Variants in SLC14A2 observed in about 807,000 individuals in gnomAD.
SLC14A2 encodes the protein urea transporter 2.
SLC14A2 carries 91 observed loss-of-function variants against 104.6 expected under a neutral mutation model. The observed-to-expected ratio is 0.87, with a 90% CI of 0.73 to 1.04. SLC14A2 has a LOEUF of 1.04. SLC14A2 is among the 50% of genes least tolerant of loss of function. The pLI, the probability that SLC14A2 is intolerant of heterozygous loss-of-function variation, is 0.00. For synonymous variants in SLC14A2, 476 were observed against 466.4 expected (o/e 1.02, Z -0.27); for missense variants, 1,189 against 1,156.0 (o/e 1.03, Z -0.41).
intron 11 of SLC14A2, among the ~76,000 whole-genome samples, chr18:45,665,623 T>A (rs916270623): frequency 1.3e-5 from 2 of 149,596 alleles, no homozygotes; most frequent in Admixed American, 6.7e-5. Flanking sequence ...TATGCATGGC[T>A]CATGGCTCAG....
chr18:45,222,368 C>G (rs1188832246), intron 1 of SLC14A2, among the ~76,000 whole-genome samples: 1 of 152,154 alleles, frequency 6.6e-6, no homozygotes, highest in Non-Finnish European at 1.5e-5. Flanking sequence ...GAGTCCTGTC[C>G]ATGAAGAACT....
intron 1 of SLC14A2, among the ~76,000 whole-genome samples, chr18:45,412,349 A>G (rs969168219): frequency 1.3e-5 from 2 of 152,212 alleles, no homozygotes. Flanking sequence ...CTTTGACCTA[A>G]TAACTAGTAA....
chr18:45,540,618 G>A (rs983698127), intron 2 of SLC14A2, among the ~76,000 whole-genome samples: 35 of 152,210 alleles, frequency 2.3e-4, no homozygotes, highest in African/African-American at 1.7e-4. Flanking sequence ...GGTGGAGGGC[G>A]CCTATAATCC....
intron 2 of SLC14A2, among the ~76,000 whole-genome samples, chr18:45,534,056 A>C (rs1006629936): frequency 2.0e-5 from 3 of 152,344 alleles, no homozygotes. Context: ...CCAGTTCTTA[A>C]GCTTTTGTGC....
intron 1 of SLC14A2, among the ~76,000 whole-genome samples, chr18:45,369,709 G>C (rs982469874): frequency 2.0e-5 from 3 of 152,160 alleles, no homozygotes; most frequent in Non-Finnish European, 4.4e-5. Context: ...GTATGAACTT[G>C]CTCAAGGTTA....
At chr18:45,179,910 C>G in the SLC14A2 span, 1 of 151,974 alleles carries the variant, frequency 6.6e-6, no homozygotes, top group African/African-American at 2.4e-5. Context: ...CTTTCAGAGG[C>G]CAAGGCAGGT....
At chr18:45,412,248 A>AT in intron 1 of SLC14A2, among the ~76,000 whole-genome samples, 1 of 152,062 alleles carries the variant, frequency 6.6e-6, no homozygotes, top group Middle Eastern at 3.4e-3. Context: ...TATTGTGGGG[A>AT]TTTTTTTCCA....
At position 45,514,098 on chromosome 18, in the gene SLC14A2, A is replaced by G. The variant is rs79101092; in HGVS notation, c.-35+30776A>G. On this transcript the variant is annotated intron_variant, in intron 2 of 20. Coordinates refer to the SLC14A2 transcript ENST00000586448. Reference sequence around the variant, plus strand: ...AAAAAACATTTTTTCCAAGGATGATATCATGGAAGTTGTATTAGGCCATTC... The same window carrying G: ...AAAAAACATTTTTTCCAAGGATGATGTCATGGAAGTTGTATTAGGCCATTC... Among the ~76,000 whole-genome samples the G allele has an allele frequency of 1.8e-3, 275 of 152,328 alleles. 4 individuals are homozygous for G. In the East Asian group the frequency reaches 0.044, roughly 24 times the overall value.
At chr18:45,641,131 G>A in intron 7 of SLC14A2, 78 bp from the exon 8 acceptor site, 1 of 1,513,318 alleles carries the variant, frequency 6.6e-7, no homozygotes, top group East Asian at 2.3e-5. Flanking sequence ...AGGCCACTCT[G>A]AGACCTGGCA....
chr18:45,490,271 G>A (rs2087697370), intron 2 of SLC14A2, among the ~76,000 whole-genome samples: 1 of 152,110 alleles, frequency 6.6e-6, no homozygotes, highest in Admixed American at 6.5e-5. Context: ...AGAGACCAGT[G>A]GAATAAACTA....
chr18:45,195,414 C>CGG, the SLC14A2 span, among the ~76,000 whole-genome samples: 1 of 151,946 alleles, frequency 6.6e-6, no homozygotes, highest in South Asian at 2.1e-4. Flanking sequence ...TTCTTTGAGA[C>CGG]TAAGTCTTGC....
chr18:45,304,078 G>A (rs2084993842), intron 1 of SLC14A2, among the ~76,000 whole-genome samples: 1 of 152,222 alleles, frequency 6.6e-6, no homozygotes, highest in African/African-American at 2.4e-5. Flanking sequence ...TAATGATGTA[G>A]AGCAGAGTTT....
chr18:45,641,348 G>A lies in SLC14A2; in HGVS notation c.1126+5G>A, dbSNP rs753231162. On this transcript the variant is annotated splice_donor_5th_base_variant and intron_variant, in intron 8 of 19. Coordinates refer to ENST00000255226, the MANE Select transcript of SLC14A2 (RefSeq NM_007163.4). Reference sequence around the variant, plus strand: ...ACCTGCTGGCCCTCATCTGTGGTAGGTGTTCAGAAAAGCTGACAACCAGGT... The same window carrying A: ...ACCTGCTGGCCCTCATCTGTGGTAGATGTTCAGAAAAGCTGACAACCAGGT... 10 of 1,614,118 alleles carry A rather than the reference G, an allele frequency of 6.2e-6. No homozygotes were observed. The South Asian group carries it at 9.9e-5, about 16-fold the overall frequency.
chr18:45,200,825 C>T, the SLC14A2 span, among the ~76,000 whole-genome samples: 2 of 152,086 alleles, frequency 1.3e-5, no homozygotes, highest in Non-Finnish European at 2.9e-5. Flanking sequence ...CCAAAATACC[C>T]AATGCCTGCT....
chr18:45,618,116 C>A (rs1293279203), intron 1 of SLC14A2, among the ~76,000 whole-genome samples: 3 of 152,148 alleles, frequency 2.0e-5, no homozygotes, highest in Non-Finnish European at 4.4e-5. Flanking sequence ...CTGTTCTCAA[C>A]AAGACCAACC....
intron 2 of SLC14A2, 105 bp downstream of exon 2, chr18:45,624,919 G>C: frequency 8.4e-7 from 1 of 1,191,514 alleles, no homozygotes; most frequent in East Asian, 2.4e-5. Context: ...AGCACACTGA[G>C]GAAGTGCCAC....
chr18:45,657,994 T>A (rs1332248358), intron 10 of SLC14A2, among the ~76,000 whole-genome samples: 1 of 152,128 alleles, frequency 6.6e-6, no homozygotes, highest in African/African-American at 2.4e-5. Flanking sequence ...GTCCAAACTG[T>A]GGCCAAAGCA....
At chr18:45,574,825 G>A (rs76268869) in intron 2 of SLC14A2, among the ~76,000 whole-genome samples, 1 of 152,056 alleles carries the variant, frequency 6.6e-6, no homozygotes, top group African/African-American at 2.4e-5. Context: ...CTCTTCCCAC[G>A]CTTGGCTCCA....
At chr18:45,410,943 A>G (rs2086208394) in intron 1 of SLC14A2, among the ~76,000 whole-genome samples, 1 of 152,190 alleles carries the variant, frequency 6.6e-6, no homozygotes, top group African/African-American at 2.4e-5. Flanking sequence ...TTAGCTCCCC[A>G]TCCAGGACCA....
Sources: gnomAD v4.1 joint callset for allele counts (sites outside exome capture counted in the v4.1 genomes callset) on GRCh38, gnomAD v4.1.1 for gene constraint, MANE v1.5 for transcripts, NCBI Gene and HGNC (gene_info 2026-07-23, HGNC 2026-07-21) for gene names.